The following CDKAL1 variants were observed in gnomAD, a reference collection of about 807,000 sequenced individuals.
The protein encoded by CDKAL1 is CDKAL1 threonylcarbamoyladenosine tRNA methylthiotransferase, also known as threonylcarbamoyladenosine tRNA methylthiotransferase.
In CDKAL1, 32 loss-of-function variants were observed where a neutral mutation model predicts 68.2. The observed-to-expected ratio is 0.47, with a 90% CI of 0.35 to 0.63. CDKAL1 has a LOEUF of 0.63. CDKAL1 is among the 30% of genes least tolerant of loss of function. The pLI is 0.00. For synonymous variants in CDKAL1, 234 were observed against 244.3 expected (o/e 0.96, Z 0.39); for missense variants, 606 against 696.7 (o/e 0.87, Z 1.47).
intron 3 of CDKAL1, among the ~76,000 whole-genome samples, chr6:20,546,925 C>T (rs1474694031): frequency 1.3e-5 from 2 of 152,128 alleles, no homozygotes; most frequent in Admixed American, 1.3e-4. Flanking sequence ...AATGTCTCTT[C>T]ATTAGAATCT....
chr6:20,938,473 T>A (rs1381726500), intron 9 of CDKAL1, among the ~76,000 whole-genome samples: 1 of 152,200 alleles, frequency 6.6e-6, no homozygotes, highest in Admixed American at 6.5e-5. Flanking sequence ...TGTGGAGTTC[T>A]CTTGGAACTG....
intron 9 of CDKAL1, among the ~76,000 whole-genome samples, chr6:20,879,446 C>G (rs1295476690): frequency 6.6e-6 from 1 of 152,234 alleles, no homozygotes; most frequent in Non-Finnish European, 1.5e-5. Flanking sequence ...GTCACTTCAA[C>G]AGTTTTTATG....
At chr6:20,702,098 T>C (rs1256099610) in intron 5 of CDKAL1, among the ~76,000 whole-genome samples, 1 of 152,158 alleles carries the variant, frequency 6.6e-6, no homozygotes, top group East Asian at 1.9e-4. Flanking sequence ...CCTGTGCTGT[T>C]TGGTGTTTAA....
At chr6:20,913,158 C>CACAT (rs1229681370) in intron 9 of CDKAL1, among the ~76,000 whole-genome samples, 2,503 of 145,734 alleles carry the variant, frequency 0.017, 39 homozygotes, top group African/African-American at 0.027. Flanking sequence ...CACACACACA[C>CACAT]ATTACCACAA....
At chr6:20,810,512 G>A (rs557310862) in intron 8 of CDKAL1, among the ~76,000 whole-genome samples, 4 of 150,946 alleles carry the variant, frequency 2.6e-5, no homozygotes, top group Admixed American at 6.6e-5. Flanking sequence ...TGGGAGGATC[G>A]CTTGAGCCCA....
chr6:20,748,373 G>A (rs112760636), intron 6 of CDKAL1, among the ~76,000 whole-genome samples: 12 of 151,816 alleles, frequency 7.9e-5, no homozygotes, highest in African/African-American at 2.7e-4. Flanking sequence ...AGCCTGGCAT[G>A]ATGGCATACT....
intron 9 of CDKAL1, among the ~76,000 whole-genome samples, chr6:20,895,728 A>G (rs991529067): frequency 1.3e-5 from 2 of 152,190 alleles, no homozygotes; most frequent in African/African-American, 4.8e-5. Context: ...GCCACTGTTT[A>G]TAATCATTCC....
At chr6:21,014,707 T>C (rs1374714722) in intron 11 of CDKAL1, among the ~76,000 whole-genome samples, 2 of 152,204 alleles carry the variant, frequency 1.3e-5, no homozygotes, top group African/African-American at 4.8e-5. Context: ...TCTAATTATG[T>C]TCTCTTGAGC....
intron 12 of CDKAL1, among the ~76,000 whole-genome samples, chr6:21,072,268 A>G (rs112251425): frequency 1.9e-4 from 29 of 152,338 alleles, no homozygotes; most frequent in African/African-American, 6.7e-4. Context: ...CTAGAAGGAA[A>G]AAGTGACTCC....
At chr6:20,684,514 C>T (rs534975064) in intron 5 of CDKAL1, among the ~76,000 whole-genome samples, 2 of 152,280 alleles carry the variant, frequency 1.3e-5, no homozygotes, top group South Asian at 2.1e-4. Flanking sequence ...GTTGTCAACT[C>T]TTCTGGGAGG....
chr6:20,940,308 A>T lies in CDKAL1; in HGVS notation c.743-15111A>T, dbSNP rs180845323. The stretch of plus-strand genomic sequence containing the variant: ...TCAGTTTCTGTTGATTAATTAGGAG[A>T]AAGTATAATTTATTAATATATTTCT... On this transcript the variant is annotated intron_variant, in intron 9 of 15. Transcript: ENST00000274695. 1.3e-4 allele frequency among the ~76,000 whole-genome samples: 20 copies of T among 152,300 alleles called. No homozygotes were observed. The East Asian group carries it at 3.7e-3, about 28-fold the overall frequency.
intron 13 of CDKAL1, among the ~76,000 whole-genome samples, chr6:21,135,420 T>C (rs1324691773): frequency 6.6e-6 from 1 of 152,206 alleles, no homozygotes; most frequent in East Asian, 1.9e-4. Context: ...TTTCATCTGC[T>C]ACATTCATGA....
intron 5 of CDKAL1, among the ~76,000 whole-genome samples, chr6:20,699,268 G>A (rs1465660937): frequency 1.3e-5 from 2 of 151,896 alleles, no homozygotes; most frequent in Non-Finnish European, 2.9e-5. Flanking sequence ...TTATTGATTC[G>A]TGATGAATAA....
At chr6:20,607,960 G>T (rs1049129253) in intron 4 of CDKAL1, among the ~76,000 whole-genome samples, 4 of 152,168 alleles carry the variant, frequency 2.6e-5, no homozygotes, top group Non-Finnish European at 4.4e-5. Context: ...CTCCCAGAGT[G>T]CTGGGATTAC....
At chr6:20,625,375 A>G (rs1217313850) in intron 4 of CDKAL1, among the ~76,000 whole-genome samples, 4 of 152,052 alleles carry the variant, frequency 2.6e-5, no homozygotes, top group Non-Finnish European at 4.4e-5. Flanking sequence ...TCCATTTTGC[A>G]TTTTTGGTGT....
At chr6:20,596,435 A>C (rs972145932) in intron 4 of CDKAL1, among the ~76,000 whole-genome samples, 1 of 152,110 alleles carries the variant, frequency 6.6e-6, no homozygotes, top group Non-Finnish European at 1.5e-5. Context: ...GCCCAGTTCA[A>C]ACTTCCTGGC....
intron 15 of CDKAL1, among the ~76,000 whole-genome samples, chr6:21,224,318 A>C (rs1388291258): frequency 6.6e-6 from 1 of 152,182 alleles, no homozygotes; most frequent in Admixed American, 6.5e-5. Flanking sequence ...CCTGAGGTCA[A>C]GAGTTTGAGA....
intron 12 of CDKAL1, among the ~76,000 whole-genome samples, chr6:21,100,560 A>G (rs1773530736): frequency 6.6e-6 from 1 of 152,220 alleles, no homozygotes; most frequent in Non-Finnish European, 1.5e-5. Context: ...ATAGAGCCAC[A>G]GCCTTCTTTT....
At chr6:20,642,741 A>AC (rs1476128209) in intron 4 of CDKAL1, among the ~76,000 whole-genome samples, 5 of 152,082 alleles carry the variant, frequency 3.3e-5, no homozygotes, top group Non-Finnish European at 7.4e-5. Context: ...TTATCCTCTG[A>AC]CCCCACATTC....
Sources: allele counts gnomAD v4.1 joint callset (sites outside exome capture counted in the v4.1 genomes callset), GRCh38; gene constraint gnomAD v4.1.1; transcripts MANE v1.5; gene names NCBI Gene and HGNC (gene_info 2026-07-23, HGNC 2026-07-21).